CALN1: variants seen among roughly 807,000 people sequenced by gnomAD.
The protein encoded by CALN1 is calneuron 1.
In CALN1, 17 loss-of-function variants were observed where a neutral mutation model predicts 30.6. The observed-to-expected ratio is 0.56, with a 90% confidence interval of 0.38 to 0.83. CALN1 has a LOEUF of 0.83. CALN1 is among the 40% of genes least tolerant of loss of function. The pLI is 0.00. For synonymous variants in CALN1, 156 were observed against 131.4 expected (o/e 1.19, Z -1.28); for missense variants, 291 against 354.9 (o/e 0.82, Z 1.45).
intron 5 of CALN1, among the ~76,000 whole-genome samples, chr7:71,948,547 C>T (rs555115011): frequency 2.6e-5 from 4 of 151,916 alleles, no homozygotes; most frequent in East Asian, 2.0e-4. Flanking sequence ...CTGGCCAACA[C>T]GGTGAGATCC....
chr7:72,088,716 A>AAAGAAAG (rs1216064098), intron 4 of CALN1, among the ~76,000 whole-genome samples: 5 of 145,390 alleles, frequency 3.4e-5, no homozygotes, highest in African/African-American at 1.4e-4. Flanking sequence ...AAAAAAAAAA[A>AAAGAAAG]AAGAAAGAAG....
Position 71,974,734 on chromosome 7 carries a change from G to A in CALN1, c.501+48923C>T, listed in dbSNP as rs1347791019. ...TGACTTGGAAAGTGCAGCCACAGAC[G>A]TTCTTTTCCCCTGGCCCTGCTGTCA... On this transcript the variant is annotated intron_variant, in intron 5 of 6. Coordinates refer to ENST00000395275, the MANE Select transcript of CALN1 (RefSeq NM_031468.4). 2.6e-5 allele frequency among the ~76,000 whole-genome samples: 4 copies of A among 152,276 alleles called. No homozygotes were observed. The East Asian group carries it at 5.8e-4, about 22-fold the overall frequency.
intron 5 of CALN1, among the ~76,000 whole-genome samples, chr7:71,904,942 T>C (rs950645326): frequency 6.6e-6 from 1 of 152,170 alleles, no homozygotes; most frequent in Non-Finnish European, 1.5e-5. Context: ...AATTTCTTTA[T>C]TTGATTTATT....
At chr7:71,800,816 A>T (rs1457801105) in intron 6 of CALN1, among the ~76,000 whole-genome samples, 2 of 152,142 alleles carry the variant, frequency 1.3e-5, no homozygotes, top group African/African-American at 4.8e-5. Flanking sequence ...ATTAAAAAAA[A>T]AATTATTTTA....
At chr7:72,330,492 A>AGG (rs1801598244) in intron 2 of CALN1, among the ~76,000 whole-genome samples, 1 of 149,312 alleles carries the variant, frequency 6.7e-6, no homozygotes, top group Non-Finnish European at 1.5e-5. Flanking sequence ...AAAAAGAGAG[A>AGG]GAGACCTTTG....
chr7:72,252,608 CAA>C (rs71069044), intron 3 of CALN1, among the ~76,000 whole-genome samples: 13 of 137,348 alleles, frequency 9.5e-5, no homozygotes, highest in Non-Finnish European at 7.8e-5. Flanking sequence ...GACCCTGTCT[CAA>C]AAAAAAAAAA....
rs529285916 is a variant in CALN1 at position 72,081,541 on chromosome 7, A to AC, written c.388+24609dup. The stretch of plus-strand genomic sequence containing the variant: ...GGGATCAAGCAATCCTCCCTCCTCA[A>AC]CCTCCTGAGTAGCTGGGACTACAGG... On this transcript the variant is annotated intron_variant, in intron 4 of 6. Coordinates refer to ENST00000395275, the MANE Select transcript of CALN1 (RefSeq NM_031468.4). Among the ~76,000 whole-genome samples, 61 of 151,368 alleles carry AC rather than the reference A, an allele frequency of 4.0e-4. 1 individual carries two copies. The Middle Eastern group carries it at 0.01, about 25-fold the overall frequency.
chr7:72,051,872 A>G (rs901186447), intron 4 of CALN1, among the ~76,000 whole-genome samples: 1 of 152,320 alleles, frequency 6.6e-6, no homozygotes, highest in African/African-American at 2.4e-5. Flanking sequence ...TTTTAGAACA[A>G]GGACAAGAAT....
chr7:72,366,377 TG>T (rs1418215451), intron 2 of CALN1, among the ~76,000 whole-genome samples: 1 of 152,054 alleles, frequency 6.6e-6, no homozygotes. Flanking sequence ...GGTTTCACCA[TG>T]TTGGCCAAGC....
intron 2 of CALN1, among the ~76,000 whole-genome samples, chr7:72,366,899 A>G (rs1803908758): frequency 6.6e-6 from 1 of 152,156 alleles, no homozygotes; most frequent in African/African-American, 2.4e-5. Flanking sequence ...TATCGAGAAT[A>G]GCCCCAAGCT....
intron 2 of CALN1, among the ~76,000 whole-genome samples, chr7:72,359,044 C>T (rs1245665958): frequency 6.6e-6 from 1 of 151,912 alleles, no homozygotes; most frequent in Non-Finnish European, 1.5e-5. Context: ...TTTTCTTCTT[C>T]CCCATGAAGA....
intron 3 of CALN1, among the ~76,000 whole-genome samples, chr7:72,269,819 C>T (rs1270199965): frequency 2.0e-5 from 3 of 152,142 alleles, no homozygotes; most frequent in African/African-American, 7.2e-5. Context: ...GAAAATCTGA[C>T]CACAGTCTTT....
chr7:72,342,150 C>G (rs1802414950), intron 2 of CALN1, among the ~76,000 whole-genome samples: 1 of 151,448 alleles, frequency 6.6e-6, no homozygotes, highest in Non-Finnish European at 1.5e-5. Context: ...GTCCTAACTA[C>G]TCAGGAGGCT....
chr7:72,457,000 CTTTCTT>C, the CALN1 span, among the ~76,000 whole-genome samples: 1 of 136,622 alleles, frequency 7.3e-6, no homozygotes, highest in African/African-American at 2.7e-5. Flanking sequence ...CTTTTTCTTT[CTTTCTT>C]TTTTTTTTTT....
At chr7:72,136,790 G>C (rs900526244) in intron 3 of CALN1, among the ~76,000 whole-genome samples, 1 of 152,136 alleles carries the variant, frequency 6.6e-6, no homozygotes, top group Non-Finnish European at 1.5e-5. Context: ...TTGTATCTCA[G>C]GGAATAGGGA....
the CALN1 span, among the ~76,000 whole-genome samples, chr7:72,468,951 A>G: frequency 6.6e-6 from 1 of 152,276 alleles, no homozygotes; most frequent in South Asian, 2.1e-4. Context: ...TATATTCTGT[A>G]TACTAGACTC....
chr7:72,151,570 T>G (rs1344314541), intron 3 of CALN1, among the ~76,000 whole-genome samples: 1 of 152,186 alleles, frequency 6.6e-6, no homozygotes, highest in Non-Finnish European at 1.5e-5. Flanking sequence ...CTATCATCAG[T>G]GCTGCCTCCC....
chr7:72,222,160 A>G (rs938375006), intron 3 of CALN1, among the ~76,000 whole-genome samples: 1 of 152,062 alleles, frequency 6.6e-6, no homozygotes, highest in Admixed American at 6.5e-5. Flanking sequence ...TGAGAGGCAG[A>G]GATTGCAGTG....
intron 6 of CALN1, among the ~76,000 whole-genome samples, chr7:71,800,254 A>C (rs1320621275): frequency 1.3e-5 from 2 of 152,166 alleles, no homozygotes; most frequent in Admixed American, 6.5e-5. Flanking sequence ...CATGGGATGG[A>C]TGAGGAAAAT....
Sources: gnomAD v4.1 joint callset for allele counts (sites outside exome capture counted in the v4.1 genomes callset) on GRCh38, gnomAD v4.1.1 for gene constraint, MANE v1.5 for transcripts, NCBI Gene and HGNC (gene_info 2026-07-23, HGNC 2026-07-21) for gene names.